The following ANGPT1 variants were observed in gnomAD, a reference collection of about 807,000 sequenced individuals.
ANGPT1 encodes the protein angiopoietin 1.
In ANGPT1, 17 loss-of-function variants were observed where a neutral mutation model predicts 62.2. That is an observed-to-expected ratio of 0.27 (90% CI 0.19 to 0.41). ANGPT1 has a LOEUF of 0.41. Among genes scored for constraint, ANGPT1 ranks in the 10% least tolerant of loss-of-function variants. The pLI is 1.00. For missense variants in ANGPT1, 478 were observed against 594.9 expected (o/e 0.80, Z 2.04); for synonymous variants, 199 against 198.9 (o/e 1.00, Z 0.00).
chr8:107,298,740 T>C (rs939539090), intron 5 of ANGPT1, among the ~76,000 whole-genome samples: 2 of 151,860 alleles, frequency 1.3e-5, no homozygotes, highest in African/African-American at 4.8e-5. Flanking sequence ...TTTCTGCTCA[T>C]TGGTTTGTCA....
At chr8:107,377,126 G>A (rs1202393202) in intron 1 of ANGPT1, among the ~76,000 whole-genome samples, 2 of 152,054 alleles carry the variant, frequency 1.3e-5, no homozygotes, top group African/African-American at 4.8e-5. Flanking sequence ...AATAAATAAA[G>A]GGCCATTTGT....
At chr8:107,306,278 T>C (rs1022836358) in intron 4 of ANGPT1, among the ~76,000 whole-genome samples, 2 of 152,118 alleles carry the variant, frequency 1.3e-5, no homozygotes, top group East Asian at 1.9e-4. Context: ...TAGGATCACA[T>C]TGAATTAGCC....
At chr8:107,375,030 C>G (rs1157211393) in intron 1 of ANGPT1, among the ~76,000 whole-genome samples, 1 of 151,952 alleles carries the variant, frequency 6.6e-6, no homozygotes, top group Non-Finnish European at 1.5e-5. Context: ...CGTGGTGGCA[C>G]GCGCCTACAG....
chr8:107,367,937 T>C (rs1400915064), intron 1 of ANGPT1, among the ~76,000 whole-genome samples: 1 of 152,186 alleles, frequency 6.6e-6, no homozygotes, highest in East Asian at 1.9e-4. Context: ...TCCATGAGGG[T>C]TGGCATCAAC....
chr8:107,259,539 A>G (rs554009762), intron 8 of ANGPT1, among the ~76,000 whole-genome samples: 2 of 152,230 alleles, frequency 1.3e-5, no homozygotes, highest in South Asian at 4.1e-4. Flanking sequence ...AAGAAATGAG[A>G]GTTTCTACTT....
At chr8:107,465,377 T>G (rs1812174054) in intron 1 of ANGPT1, among the ~76,000 whole-genome samples, 1 of 152,158 alleles carries the variant, frequency 6.6e-6, no homozygotes, top group African/African-American at 2.4e-5. Context: ...CTTGTCATAA[T>G]AAGAACTAAT....
intron 5 of ANGPT1, among the ~76,000 whole-genome samples, chr8:107,299,298 C>T (rs1334992045): frequency 6.7e-6 from 1 of 148,272 alleles, no homozygotes; most frequent in African/African-American, 2.5e-5. Context: ...TCAATATTTG[C>T]TAAGAATTTG....
intron 1 of ANGPT1, among the ~76,000 whole-genome samples, chr8:107,405,537 T>C (rs1198005331): frequency 2.0e-5 from 3 of 151,956 alleles, no homozygotes; most frequent in African/African-American, 7.2e-5. Context: ...ATTTAAAATG[T>C]TTTATAAAAT....
rs752787463 is a variant in ANGPT1 at position 107,497,459 on chromosome 8, T to A, written c.100A>T (p.Asn34Tyr). 31 of 1,614,062 alleles carry A rather than the reference T, an allele frequency of 1.9e-5. No individual in the cohort carries two copies. The highest frequency in any genetic ancestry group is 2.6e-5 in the Non-Finnish European group (31 of 1,180,032). Residue 34 changes from asparagine (N) to tyrosine (Y), a missense_variant, in exon 1 of 9, where the codon AAC becomes TAC. By Grantham distance (143) the Asn-to-Tyr change is moderately radical (BLOSUM62 -2). Transcript: ENST00000517746. ...GCACATTGCCCATGTTGAATCCGGTTATATCTTCTCCCACTGTTTTCTGGA... is the reference window on the plus strand; with the variant it reads ...GCACATTGCCCATGTTGAATCCGGTAATATCTTCTCCCACTGTTTTCTGGA... ...RSPENSGRRY[N>Y]RIQHGQCAYT...
intron 1 of ANGPT1, among the ~76,000 whole-genome samples, chr8:107,391,225 T>G (rs1003910110): frequency 1.3e-5 from 2 of 152,322 alleles, no homozygotes; most frequent in Admixed American, 1.3e-4. Context: ...TGGGGCTGAA[T>G]CTTCTGGGTA....
intron 1 of ANGPT1, among the ~76,000 whole-genome samples, chr8:107,417,272 T>G (rs1038221367): frequency 4.6e-5 from 7 of 152,162 alleles, no homozygotes; most frequent in Admixed American, 2.6e-4. Context: ...AGATTCTTGC[T>G]AAGAGGGAGG....
chr8:107,457,247 C>T (rs188980652), intron 1 of ANGPT1, among the ~76,000 whole-genome samples: 1 of 152,096 alleles, frequency 6.6e-6, no homozygotes, highest in African/African-American at 2.4e-5. Flanking sequence ...GTAAGATGCT[C>T]CCAATAATCT....
intron 3 of ANGPT1, among the ~76,000 whole-genome samples, chr8:107,325,382 G>A (rs1279361047): frequency 2.0e-5 from 3 of 152,138 alleles, no homozygotes; most frequent in Non-Finnish European, 4.4e-5. Context: ...TAAGAAAATT[G>A]CCTTTTAAAT....
intron 1 of ANGPT1, among the ~76,000 whole-genome samples, chr8:107,407,421 T>G (rs1244205063): frequency 2.0e-5 from 3 of 152,204 alleles, no homozygotes; most frequent in Non-Finnish European, 4.4e-5. Context: ...GTGACTTTCA[T>G]TTTTGTTCAT....
At chr8:107,339,536 A>G (rs946519137) in intron 2 of ANGPT1, among the ~76,000 whole-genome samples, 2 of 152,006 alleles carry the variant, frequency 1.3e-5, no homozygotes, top group African/African-American at 4.8e-5. Flanking sequence ...CACCTTCTTT[A>G]TAGTAATACC....
chr8:107,431,320 G>A (rs761529602), intron 1 of ANGPT1, among the ~76,000 whole-genome samples: 12 of 152,140 alleles, frequency 7.9e-5, no homozygotes, highest in Non-Finnish European at 1.3e-4. Context: ...GTCACTTGTC[G>A]TGTTGCCCAT....
chr8:107,295,104 GA>G (rs1395786717), intron 5 of ANGPT1: 2 of 152,164 alleles, frequency 1.3e-5, no homozygotes, highest in Non-Finnish European at 2.9e-5. Context: ...GCAGTGGCAA[GA>G]AATGTCATTC....
chr8:107,338,180 T>C (rs942336386), intron 2 of ANGPT1, among the ~76,000 whole-genome samples: 1 of 152,166 alleles, frequency 6.6e-6, no homozygotes, highest in Admixed American at 6.5e-5. Context: ...GAGTAGGGGA[T>C]GTATTTGAAG....
intron 1 of ANGPT1, among the ~76,000 whole-genome samples, chr8:107,414,985 G>T (rs1313443241): frequency 6.6e-6 from 1 of 152,132 alleles, no homozygotes. Flanking sequence ...ATTACAGAAT[G>T]CAGGCCTAAA....
Sources: allele counts gnomAD v4.1 joint callset (sites outside exome capture counted in the v4.1 genomes callset), GRCh38; gene constraint gnomAD v4.1.1; transcripts MANE v1.5; gene names NCBI Gene and HGNC (gene_info 2026-07-23, HGNC 2026-07-21).